Variants in GSTO1 observed in about 807,000 individuals in gnomAD.
GSTO1 encodes glutathione S-transferase omega 1, also known as glutathione S-transferase omega-1.
Under a neutral mutation model 23.8 loss-of-function variants are expected in GSTO1, and 27 were observed. That is an observed-to-expected ratio of 1.13 (90% confidence interval 0.83 to 1.56). GSTO1 has a LOEUF of 1.56. Among genes scored for constraint, GSTO1 ranks in the 40% most tolerant of loss-of-function variants. The pLI, the probability that GSTO1 is intolerant of heterozygous loss-of-function variation, is 0.00. For missense variants in GSTO1, 255 were observed against 285.8 expected (o/e 0.89, Z 0.78); for synonymous variants, 105 against 109.3 (o/e 0.96, Z 0.25).
chr10:104,257,358 C>T lies in GSTO1; in HGVS notation c.143+2087C>T, dbSNP rs1460132522. Among the ~76,000 whole-genome samples, 44 of 125,798 alleles carry T rather than the reference C, an allele frequency of 3.5e-4. No homozygotes were observed. The South Asian group carries it at 4.0e-3, about 11-fold the overall frequency. The allele number at this position is 125,798 out of a possible 152,430, so 82.5% of individuals were successfully genotyped here. A position where few individuals can be genotyped will look rare whatever the true frequency, so the allele number is the denominator to read the frequency against. On this transcript the variant is annotated intron_variant, in intron 2 of 5. Transcript: ENST00000369713. ...TGTGGGTGGATTTTTTTTTTTTTTT[C>T]GAGACAGGGTCTCGCCCTGTCACCC... is the stretch of plus-strand genomic sequence containing the variant.
In GSTO1 at chr10:104,254,935, G is replaced by C. The variant is rs772396594; in HGVS notation, c.7G>C (p.Gly3Arg). 2 of 1,611,302 alleles carry C rather than the reference G, an allele frequency of 1.2e-6. No individual in the cohort carries two copies. Among genetic ancestry groups the C allele is most frequent in the African/African-American group, 1.3e-5 (1 of 75,036 alleles). ...CGGCCTGCGCTGCGCCACGATGTCC[G>C]GGGAGTCAGCCAGGAGCTTGGGGAA... MS[G>R]ESARSLGKGS... Residue 3 changes from glycine (G) to arginine (R), a missense_variant, in exon 1 of 6, where the codon GGG becomes CGG. Gly to Arg is a moderately radical substitution (Grantham distance 125, BLOSUM62 -2). Coordinates refer to ENST00000369713, the MANE Select transcript of GSTO1 (RefSeq NM_004832.3).
In GSTO1 at chr10:104,266,205, T is replaced by C; in HGVS notation, c.572+15T>C. On this transcript the variant is annotated intron_variant, in intron 5 of 5. Transcript: ENST00000369713. The stretch of plus-strand genomic sequence containing the variant: ...AAGTTAAATGAGTAAGATATTTGAA[T>C]ATTTTGTGCATAATTTAGGATGACA... The C allele has an allele frequency of 1.5e-6, 2 of 1,369,432 alleles. No homozygotes were observed. The highest frequency in any genetic ancestry group is 1.4e-5 in the African/African-American group (1 of 70,272). The allele number at this position is 1,369,432 out of a possible 1,614,324, so 84.8% of individuals were successfully genotyped here.
chr10:104,255,474 G>A (rs757934554), intron 2 of GSTO1, among the ~76,000 whole-genome samples: 36 of 152,280 alleles, frequency 2.4e-4, no homozygotes, highest in Middle Eastern at 3.4e-3. Flanking sequence ...AACGGTCTAG[G>A]ACACCTCATT....
At position 104,254,925 on chromosome 10, in the gene GSTO1, C is replaced by T; in HGVS notation, c.-4C>T. On this transcript the variant is annotated 5_prime_UTR_variant, in exon 1 of 6. Transcript: ENST00000369713. Reference sequence around the variant, plus strand: ...CAGAGGAGCTCGGCCTGCGCTGCGCCACGATGTCCGGGGAGTCAGCCAGGA... The same window carrying T: ...CAGAGGAGCTCGGCCTGCGCTGCGCTACGATGTCCGGGGAGTCAGCCAGGA... The T allele has an allele frequency of 6.2e-7, 1 of 1,611,628 alleles. No homozygotes were observed. Among genetic ancestry groups the T allele is most frequent in the Non-Finnish European group, 8.5e-7 (1 of 1,179,304 alleles).
At chr10:104,265,391 C>G (rs7077787) in intron 4 of GSTO1, among the ~76,000 whole-genome samples, 11,228 of 152,218 alleles carry the variant, frequency 0.074, 1,391 homozygotes, top group African/African-American at 0.26. Context: ...GTATATTACA[C>G]TTTACCCATT....
upstream of GSTO1, chr10:104,254,870 C>T: frequency 6.5e-7 from 1 of 1,541,544 alleles, no homozygotes; most frequent in Non-Finnish European, 8.9e-7. Flanking sequence ...GAAGGACGCG[C>T]CACCTACTTC....
At position 104,263,181 on chromosome 10, in the gene GSTO1, G is replaced by T. The variant is rs1363819691; in HGVS notation, c.465+104G>T. The T allele has an allele frequency of 7.2e-6, 4 of 556,276 alleles. No individual in the cohort carries two copies. The East Asian group carries it at 1.2e-4, about 16-fold the overall frequency. 34.5% of individuals were successfully genotyped at this position (556,276 alleles called of 1,614,324 possible). On this transcript the variant is annotated intron_variant, in intron 4 of 5. Transcript: ENST00000369713. ...ATTCCCACTTTCCAAGTCACTTTAA[G>T]GTAATTAGGAAAATTCCCCTAAACA...
intron 2 of GSTO1, among the ~76,000 whole-genome samples, chr10:104,256,705 G>A (rs1018215025): frequency 2.0e-5 from 3 of 152,054 alleles, no homozygotes; most frequent in African/African-American, 7.2e-5. Context: ...CTTCCAACTT[G>A]CTGTGGCAGG....
chr10:104,257,455 C>A (rs2011105842), intron 2 of GSTO1, among the ~76,000 whole-genome samples: 1 of 151,922 alleles, frequency 6.6e-6, no homozygotes, highest in Non-Finnish European at 1.5e-5. Context: ...ATCTTCTCAC[C>A]TCAGCATCCG....
chr10:104,255,035 GC>G (rs2091595169), intron 1 of GSTO1, 73 bp downstream of exon 1: 2 of 1,501,868 alleles, frequency 1.3e-6, no homozygotes, highest in Non-Finnish European at 1.8e-6. Flanking sequence ...TGCTCCGGGA[GC>G]CCAGCCGCCC....
intron 3 of GSTO1, 75 bp downstream of exon 3, chr10:104,259,873 G>A: frequency 2.1e-6 from 2 of 942,900 alleles, no homozygotes; most frequent in East Asian, 2.4e-5. Context: ...GCCATTTATG[G>A]TTCAGTGATT....
intron 4 of GSTO1, among the ~76,000 whole-genome samples, chr10:104,264,567 G>A (rs2011163972): frequency 6.6e-6 from 1 of 152,134 alleles, no homozygotes; most frequent in Non-Finnish European, 1.5e-5. Flanking sequence ...CATACAATTT[G>A]TGTTTTGTTT....
chr10:104,255,107 T>C, intron 1 of GSTO1, 56 bp from the exon 2 acceptor site: 1 of 1,472,030 alleles, frequency 6.8e-7, no homozygotes, highest in Non-Finnish European at 9.4e-7. Flanking sequence ...GGCGGTGGGA[T>C]ACGGGGGGTC....
rs557588649 is a variant in GSTO1, at chr10:104,262,986, C to A, written c.374C>A (p.Ser125Tyr). 79 of 1,431,530 alleles carry A rather than the reference C, an allele frequency of 5.5e-5. 1 individual carries two copies. The South Asian group carries it at 9.0e-4, about 16-fold the overall frequency. 88.7% of individuals were successfully genotyped at this position (1,431,530 alleles called of 1,614,324 possible). The change falls in exon 4 of 6, where the codon TCC becomes TAC. Residue 125 changes from serine to tyrosine, a missense_variant. By Grantham distance (144) the Ser-to-Tyr change is moderately radical (BLOSUM62 -2). Transcript: ENST00000369713. Reference protein sequence around the residue: ...MILELFSKVPSLVGSFIRSQN... With the variant: ...MILELFSKVPYLVGSFIRSQN... ...AAATTATTCTCTGTCTAGGTGCCAT[C>A]CTTGGTAGGAAGCTTTATTAGAAGC...
rs538566548 is a variant in GSTO1, at chr10:104,259,799, G to T, written c.366+1G>T. 6.3e-7 allele frequency: 1 copy of T among 1,596,046 alleles called. No homozygotes were observed. The highest frequency in any genetic ancestry group is 2.2e-5 in the East Asian group (1 of 44,784). ...GATGATCTTAGAGTTGTTTTCTAAG[G>T]TTTGTGCATAAGAAATTTCAGCTCC... is the stretch of plus-strand genomic sequence containing the variant. On this transcript the variant is annotated splice_donor_variant, in intron 3 of 5. Transcript: ENST00000369713. LOFTEE classifies it high-confidence loss of function.
intron 3 of GSTO1, 41 bp downstream of exon 3, chr10:104,259,839 GT>G (rs148539567): frequency 2.2e-6 from 3 of 1,345,046 alleles, no homozygotes; most frequent in Admixed American, 3.5e-5. Flanking sequence ...TGAAAAACCT[GT>G]TTTTTAAAGC....
intron 2 of GSTO1, among the ~76,000 whole-genome samples, chr10:104,259,187 T>C (rs757204193): frequency 3.9e-5 from 6 of 152,184 alleles, no homozygotes; most frequent in Non-Finnish European, 7.3e-5. Context: ...CTCAAAGAGA[T>C]ATTAGCACTC....
chr10:104,254,718 C>T, upstream of GSTO1: 1 of 612,942 alleles, frequency 1.6e-6, no homozygotes, highest in Non-Finnish European at 2.9e-6. Context: ...AGCCCTTGGC[C>T]AGCGAGATGC....
Position 104,259,690 on chromosome 10 carries a change from T to A in GSTO1, c.258T>A (p.Ser86=). ...ENSQGQLIYE[S]AITCEYLDEA... ...GTCAGGGTCAGCTGATCTACGAGTC[T>A]GCCATCACCTGTGAGTACCTGGATG... The change falls in exon 3 of 6, where the codon TCT becomes TCA. Residue 86 remains serine (S), a synonymous_variant. Transcript: ENST00000369713. 1.2e-6 allele frequency: 2 copies of A among 1,612,928 alleles called. No homozygotes were observed. The highest frequency in any genetic ancestry group is 1.7e-6 in the Non-Finnish European group (2 of 1,178,910).
Sources: gnomAD v4.1 joint callset for allele counts (sites outside exome capture counted in the v4.1 genomes callset) on GRCh38, gnomAD v4.1.1 for gene constraint, MANE v1.5 for transcripts, NCBI Gene and HGNC (gene_info 2026-07-23, HGNC 2026-07-21) for gene names.